The following NTRK3 variants were observed in gnomAD, a reference collection of about 807,000 sequenced individuals.
NTRK3 encodes neurotrophic receptor tyrosine kinase 3.
A neutral mutation model predicts 91.7 loss-of-function variants in NTRK3; 24 were observed. That is an observed-to-expected ratio of 0.26 (90% CI 0.19 to 0.37). NTRK3 has a LOEUF of 0.37. Ranked by LOEUF, NTRK3 falls within the 10% of genes least tolerant of loss-of-function variation. The probability of loss-of-function intolerance (pLI) is 1.00; values close to 1 mark genes in which losing one functional copy is unlikely to be tolerated. For missense variants in NTRK3, 880 were observed against 1,068.9 expected, an observed-to-expected ratio of 0.82 and a Z score of 2.46; for synonymous variants, 483 against 404.0, an observed-to-expected ratio of 1.20 and a Z score of -2.34.
intron 14 of NTRK3, among the ~76,000 whole-genome samples, chr15:87,960,529 G>C (rs1416924071): frequency 1.3e-5 from 2 of 151,640 alleles, no homozygotes; most frequent in African/African-American, 2.4e-5. Flanking sequence ...CTCTCACCCA[G>C]GCTGGAGTGC....
Position 88,235,022 on chromosome 15 carries a change from C to G in NTRK3, c.248+20884G>C, listed in dbSNP as rs972037698. Reference sequence around the variant, plus strand: ...CTCTGACTGTCTGTCACTGACAGATCGAAGCTGGACAATCCATTCTCCGAG... The same window carrying G: ...CTCTGACTGTCTGTCACTGACAGATGGAAGCTGGACAATCCATTCTCCGAG... On this transcript the variant is annotated intron_variant, in intron 3 of 18. Transcript: ENST00000394480. This position sits in a 1 kb window ranked among gnomAD's most constrained non-coding sequence, Gnocchi z 5.2. Among the ~76,000 whole-genome samples the G allele has an allele frequency of 6.6e-6, 1 of 152,174 alleles. No individual in the cohort carries two copies. Among genetic ancestry groups the G allele is most frequent in the Non-Finnish European group, 1.5e-5 (1 of 68,036 alleles).
chr15:88,145,915 T>C (rs986519600), intron 6 of NTRK3, among the ~76,000 whole-genome samples: 1 of 152,142 alleles, frequency 6.6e-6, no homozygotes, highest in Non-Finnish European at 1.5e-5. Flanking sequence ...CACTGGGAGA[T>C]AGTTGAGCAC....
chr15:88,117,990 C>T (rs901749992), intron 13 of NTRK3, among the ~76,000 whole-genome samples: 2 of 152,232 alleles, frequency 1.3e-5, no homozygotes, highest in Non-Finnish European at 2.9e-5. Context: ...TACTCCCCTG[C>T]CCAGCTTATC....
In NTRK3 at chr15:88,179,670, C is replaced by T. The variant is rs538313672; in HGVS notation, c.395+3748G>A. Among the ~76,000 whole-genome samples the T allele has an allele frequency of 2.6e-5, 4 of 152,254 alleles. No homozygotes were observed. The South Asian group carries it at 8.3e-4, about 32-fold the overall frequency. ...GGGAAAGAGGGGCCAGCTGCAGAAG[C>T]TGGGCTCAGAGGACTCTGAGAACAA... On this transcript the variant is annotated intron_variant, in intron 5 of 18. Coordinates refer to ENST00000394480, the Ensembl canonical transcript of NTRK3.
At chr15:88,164,564 G>A (rs1239983329) in intron 5 of NTRK3, among the ~76,000 whole-genome samples, 3 of 152,066 alleles carry the variant, frequency 2.0e-5, no homozygotes, top group Non-Finnish European at 4.4e-5. Context: ...TTCCCACTAA[G>A]ATTACCCCCA....
intron 14 of NTRK3, among the ~76,000 whole-genome samples, chr15:87,945,737 C>T (rs989479559): frequency 3.4e-5 from 5 of 148,246 alleles, no homozygotes; most frequent in South Asian, 2.1e-4. Context: ...CTCAGCCCTG[C>T]GACCAGGGAG....
chr15:88,214,799 T>C (rs959789836), intron 3 of NTRK3, among the ~76,000 whole-genome samples: 1 of 152,288 alleles, frequency 6.6e-6, no homozygotes, highest in African/African-American at 2.4e-5. Flanking sequence ...ATTTACCATT[T>C]TGTCCCATAA....
At chr15:88,003,638 A>C (rs192939152) in intron 14 of NTRK3, among the ~76,000 whole-genome samples, 1 of 152,162 alleles carries the variant, frequency 6.6e-6, no homozygotes, top group East Asian at 1.9e-4. Context: ...ACTACAATGC[A>C]CTGCTCCGCT....
chr15:87,881,013 A>G (rs917131025), intron 17 of NTRK3, among the ~76,000 whole-genome samples: 2 of 152,240 alleles, frequency 1.3e-5, no homozygotes, highest in Non-Finnish European at 2.9e-5. Context: ...AGAATTCACC[A>G]CAGTTCTTAG....
intron 13 of NTRK3, among the ~76,000 whole-genome samples, chr15:88,088,774 T>C (rs371121839): frequency 4.6e-5 from 7 of 152,224 alleles, no homozygotes; most frequent in Admixed American, 3.9e-4. Context: ...ATAGTTCCTA[T>C]CTTGGAAGGC....
At chr15:88,149,835 T>A (rs2043210962) in intron 5 of NTRK3, among the ~76,000 whole-genome samples, 1 of 152,222 alleles carries the variant, frequency 6.6e-6, no homozygotes, top group Non-Finnish European at 1.5e-5. Flanking sequence ...CCACTGGCCT[T>A]TATGAGGTTT....
At chr15:88,075,626 T>C (rs930649030) in intron 13 of NTRK3, among the ~76,000 whole-genome samples, 1 of 152,178 alleles carries the variant, frequency 6.6e-6, no homozygotes, top group Non-Finnish European at 1.5e-5. Flanking sequence ...TTGTTGTTGC[T>C]GTATTTCTAA....
intron 3 of NTRK3, among the ~76,000 whole-genome samples, chr15:88,246,951 G>A (rs4887398): frequency 0.81 from 123,209 of 152,140 alleles, 50,807 homozygotes; most frequent in East Asian, 0.97. Context: ...CTCCCGCCCT[G>A]GGAAGCCATC....
At position 88,240,489 on chromosome 15, in the gene NTRK3, C is replaced by T. The variant is rs901394749; in HGVS notation, c.248+15417G>A. ...GCCCCTTCTACCCCACCCTCCTTAC[C>T]ACCAAAACAGCACGTCATGTGTCCT... is the stretch of plus-strand genomic sequence containing the variant. On this transcript the variant is annotated intron_variant, in intron 3 of 18. Coordinates refer to ENST00000394480, the Ensembl canonical transcript of NTRK3. The surrounding 1 kb of genome is among the most constrained non-coding windows in gnomAD (Gnocchi z 4.9). 2.6e-5 allele frequency among the ~76,000 whole-genome samples: 4 copies of T among 152,192 alleles called. No homozygotes were observed. Among genetic ancestry groups the T allele is most frequent in the African/African-American group, 9.7e-5 (4 of 41,442 alleles).
intron 5 of NTRK3, among the ~76,000 whole-genome samples, chr15:88,151,600 A>T (rs1567535857): frequency 6.6e-6 from 1 of 152,196 alleles, no homozygotes. Context: ...CAAAAGGGTC[A>T]ATAAGACGGA....
At chr15:87,990,657 C>A (rs1567195314) in intron 14 of NTRK3, among the ~76,000 whole-genome samples, 1 of 152,082 alleles carries the variant, frequency 6.6e-6, no homozygotes, top group Non-Finnish European at 1.5e-5. Context: ...TTAACTGATA[C>A]CTTCAATATT....
intron 17 of NTRK3, among the ~76,000 whole-genome samples, chr15:87,883,460 G>C (rs898821698): frequency 6.7e-6 from 1 of 149,932 alleles, no homozygotes; most frequent in Non-Finnish European, 1.5e-5. Context: ...AACTGACAAA[G>C]CTATCATTAT....
chr15:87,965,397 G>C (rs991309873), intron 14 of NTRK3, among the ~76,000 whole-genome samples: 2 of 152,178 alleles, frequency 1.3e-5, no homozygotes, highest in Non-Finnish European at 2.9e-5. Flanking sequence ...ATGGGGAGCC[G>C]GGAAGGGGCA....
chr15:88,150,031 C>G (rs2043230190), intron 5 of NTRK3, among the ~76,000 whole-genome samples: 1 of 152,228 alleles, frequency 6.6e-6, no homozygotes, highest in African/African-American at 2.4e-5. Flanking sequence ...AGCTCCCTAC[C>G]CCTCTCCAGT....
Sources: gnomAD v4.1 joint callset for allele counts (sites outside exome capture counted in the v4.1 genomes callset) on GRCh38, gnomAD v4.1.1 for gene constraint, Gnocchi (gnomAD v3.1) non-coding constraint, MANE v1.5 for transcripts, NCBI Gene and HGNC (gene_info 2026-07-23, HGNC 2026-07-21) for gene names.